The following MEF2C variants were observed in gnomAD, a reference collection of about 807,000 sequenced individuals.
The protein encoded by MEF2C is myocyte-specific enhancer factor 2C.
Under a neutral mutation model 50.5 loss-of-function variants are expected in MEF2C, and 6 were observed. The observed-to-expected ratio is 0.12, with a 90% confidence interval of 0.07 to 0.23. The LOEUF (loss-of-function observed/expected upper bound fraction) is 0.23. Among genes scored for constraint, MEF2C ranks in the 10% least tolerant of loss-of-function variants. The probability of loss-of-function intolerance (pLI) is 1.00; values close to 1 mark genes in which losing one functional copy is unlikely to be tolerated. For missense variants in MEF2C, 276 were observed against 605.0 expected (o/e 0.46, Z 5.70); for synonymous variants, 183 against 228.0 (o/e 0.80, Z 1.78).
rs781305570 is a variant in MEF2C at position 88,823,827 on chromosome 5, T to C, written c.-39A>G. ...CTTCTCTCTCTCGTCCCTGAAATTA[T>C]GTATTTTTTCCTTCCTTTTCTTTCT... On this transcript the variant is annotated 5_prime_UTR_variant, in exon 2 of 11. Transcript: ENST00000504921. 7 of 1,604,178 alleles carry C rather than the reference T, an allele frequency of 4.4e-6. No homozygotes were observed. Among genetic ancestry groups the C allele is most frequent in the Non-Finnish European group, 6.0e-6 (7 of 1,174,784 alleles).
chr5:88,789,158 CT>C (rs1792507233), intron 3 of MEF2C, among the ~76,000 whole-genome samples: 2 of 151,032 alleles, frequency 1.3e-5, no homozygotes, highest in Admixed American at 1.3e-4. Flanking sequence ...CATATATCTA[CT>C]TTTTTGTAAT....
chr5:88,744,724 C>G (rs1188344528), intron 6 of MEF2C, among the ~76,000 whole-genome samples: 1 of 152,182 alleles, frequency 6.6e-6, no homozygotes. Context: ...GTATATTTCT[C>G]TTATACCAAG....
intron 1 of MEF2C, among the ~76,000 whole-genome samples, chr5:88,847,842 TTTTG>T (rs1356991940): frequency 1.3e-5 from 2 of 152,200 alleles, no homozygotes; most frequent in Non-Finnish European, 2.9e-5. Context: ...ACCATTTCTA[TTTTG>T]TTTATCTCAT....
chr5:88,814,940 T>C (rs1027975420), intron 2 of MEF2C, among the ~76,000 whole-genome samples: 7 of 152,130 alleles, frequency 4.6e-5, no homozygotes, highest in African/African-American at 1.7e-4. Flanking sequence ...AGGAATGTTT[T>C]GCCTTTTGAA....
chr5:88,773,434 A>G (rs1445137376), intron 3 of MEF2C, among the ~76,000 whole-genome samples: 1 of 152,224 alleles, frequency 6.6e-6, no homozygotes, highest in Non-Finnish European at 1.5e-5. Context: ...CGTGGAAGAG[A>G]GAGTTAATAG....
chr5:88,731,970 A>G lies in MEF2C; in HGVS notation c.638-69T>C, dbSNP rs567691319. The G allele has an allele frequency of 3.8e-4, 522 of 1,387,542 alleles. 6 individuals carry two copies. The South Asian group carries it at 6.8e-3, about 18-fold the overall frequency. The allele number at this position is 1,387,542 out of a possible 1,614,324, so 86.0% of individuals were successfully genotyped here. A position where few individuals can be genotyped will look rare whatever the true frequency, so the allele number is the denominator to read the frequency against. On this transcript the variant is annotated intron_variant, in intron 6 of 10. Transcript: ENST00000504921. ...CAAATACGTTTCCGAAGAATACACA[A>G]CATGAGAATAAAAACAAAAGCTTAA...
chr5:88,826,134 G>A (rs987888621), intron 1 of MEF2C, among the ~76,000 whole-genome samples: 1 of 151,932 alleles, frequency 6.6e-6, no homozygotes, highest in Admixed American at 6.6e-5. Context: ...AACTTTGAAT[G>A]AGACCATTTT....
intron 6 of MEF2C, among the ~76,000 whole-genome samples, chr5:88,745,759 G>A (rs894334361): frequency 1.4e-4 from 22 of 152,334 alleles, no homozygotes; most frequent in African/African-American, 5.1e-4. Context: ...AGGCTGCAGT[G>A]AGCCTAGATC....
chr5:88,868,211 A>C (rs1828044432), intron 1 of MEF2C, among the ~76,000 whole-genome samples: 1 of 152,230 alleles, frequency 6.6e-6, no homozygotes, highest in South Asian at 2.1e-4. Flanking sequence ...TTTAAAAAAT[A>C]AAGCTGGGGG....
chr5:88,738,711 A>G, intron 6 of MEF2C: 1 of 985,384 alleles, frequency 1.0e-6, no homozygotes, highest in Non-Finnish European at 1.2e-6. Flanking sequence ...AACTAGGGAC[A>G]GGACAGTCAA....
intron 4 of MEF2C, chr5:88,752,563 C>G (rs1319326604): frequency 2.0e-5 from 19 of 958,126 alleles, no homozygotes; most frequent in Non-Finnish European, 2.4e-5. Context: ...TTAAAAGTAA[C>G]TCTAAAGATA....
intron 1 of MEF2C, chr5:88,844,587 ACTG>A (rs1018069016): frequency 1.3e-6 from 1 of 773,262 alleles, no homozygotes; most frequent in African/African-American, 1.9e-5. Flanking sequence ...GGGAAAATAT[ACTG>A]CTATTTGTAG....
intron 2 of MEF2C, among the ~76,000 whole-genome samples, chr5:88,821,962 T>C (rs536884390): frequency 1.8e-3 from 276 of 152,058 alleles, no homozygotes; most frequent in Non-Finnish European, 1.8e-3. Context: ...GAGGTAGGTA[T>C]ACCTCAATTA....
chr5:88,762,142 A>G lies in MEF2C; in HGVS notation c.259-814T>C, dbSNP rs141854877. On this transcript the variant is annotated intron_variant, in intron 3 of 10. Transcript: ENST00000504921. ...GAATCACCCTGAGACTGACACATGA[A>G]AGTAAAAAGTCAGTGCCTCATCTTG... Among the ~76,000 whole-genome samples, 22 of 152,330 alleles carry G rather than the reference A, an allele frequency of 1.4e-4. 1 individual carries two copies. The East Asian group carries it at 1.9e-3, about 13-fold the overall frequency.
chr5:88,736,658 T>C, intron 6 of MEF2C: 2 of 985,388 alleles, frequency 2.0e-6, no homozygotes, highest in Non-Finnish European at 2.4e-6. Context: ...ATTTGTGTGA[T>C]GCTAACCAAC....
intron 4 of MEF2C, among the ~76,000 whole-genome samples, chr5:88,760,770 G>C (rs1307547866): frequency 6.6e-6 from 1 of 152,146 alleles, no homozygotes; most frequent in Non-Finnish European, 1.5e-5. Context: ...GCTGTGAACT[G>C]TTCTACCTCA....
chr5:88,837,677 A>C (rs1815722243), intron 1 of MEF2C, among the ~76,000 whole-genome samples: 1 of 152,212 alleles, frequency 6.6e-6, no homozygotes, highest in African/African-American at 2.4e-5. Context: ...TGATTCTCAC[A>C]AAAGTATCAT....
In MEF2C at chr5:88,720,718, T is replaced by A. The variant is rs1756047673; in HGVS notation, c.*1886A>T. On this transcript the variant is annotated 3_prime_UTR_variant, in exon 11 of 11. Transcript: ENST00000504921. ...ATCTTTTAAACAATATATATTGACT[T>A]TCTTATGGCACTCACTTATTAAAGG... 2 of 152,628 alleles carry A rather than the reference T, an allele frequency of 1.3e-5. No homozygotes were observed. The highest frequency in any genetic ancestry group is 6.5e-5 in the Admixed American group (1 of 15,274). The allele number at this position is 152,628 out of a possible 1,614,324, so 9.5% of individuals were successfully genotyped here.
At chr5:88,894,994 GATA>G (rs1834967153) in intron 1 of MEF2C, among the ~76,000 whole-genome samples, 1 of 152,132 alleles carries the variant, frequency 6.6e-6, no homozygotes, top group South Asian at 2.1e-4. Context: ...AACTACCCAT[GATA>G]ATGATTTTGC....
Sources: allele counts gnomAD v4.1 joint callset (sites outside exome capture counted in the v4.1 genomes callset), GRCh38; gene constraint gnomAD v4.1.1; transcripts MANE v1.5; gene names NCBI Gene and HGNC (gene_info 2026-07-23, HGNC 2026-07-21).